DGCR8: variants seen among roughly 807,000 people sequenced by gnomAD.
DGCR8 encodes microprocessor complex subunit DGCR8.
A neutral mutation model predicts 78.5 loss-of-function variants in DGCR8; 14 were observed. The ratio of observed to expected loss-of-function variants is 0.18; its 90% CI spans 0.12 to 0.28. The LOEUF is 0.28. Among genes scored for constraint, DGCR8 ranks in the 10% least tolerant of loss-of-function variants. DGCR8 has a pLI of 1.00. For missense variants in DGCR8, 702 were observed against 1,022.5 expected (o/e 0.69, Z 4.28); for synonymous variants, 399 against 402.4 (o/e 0.99, Z 0.10).
At chr22:20,101,671 G>T (rs1277656555) in intron 9 of DGCR8, 12 of 985,302 alleles carry the variant, frequency 1.2e-5, no homozygotes, top group Non-Finnish European at 1.4e-5. Flanking sequence ...GTAGGGTGGT[G>T]GGGGTGTTTA....
At chr22:20,102,109 T>C (rs1471510027) in intron 9 of DGCR8, 7 of 970,252 alleles carry the variant, frequency 7.2e-6, no homozygotes, top group Non-Finnish European at 8.6e-6. Flanking sequence ...ATTTTAAAAT[T>C]TACATAGAGT....
chr22:20,110,544 C>T lies in DGCR8; in HGVS notation c.*436C>T, dbSNP rs1347002161. On this transcript the variant is annotated 3_prime_UTR_variant, in exon 14 of 14. Coordinates refer to ENST00000351989, the MANE Select transcript of DGCR8 (RefSeq NM_022720.7). ...CGTGATGCCAGGTGGCCCATGTGCC[C>T]AGGGCGCCTGCAGGGCTGCTACAGG... 1 of 163,842 alleles carries T rather than the reference C, an allele frequency of 6.1e-6. No homozygotes were observed. Among genetic ancestry groups the T allele is most frequent in the African/African-American group, 2.4e-5 (1 of 41,836 alleles). The allele number at this position is 163,842 out of a possible 1,614,324, so 10.1% of individuals were successfully genotyped here. A position where few individuals can be genotyped will look rare whatever the true frequency, so the allele number is the denominator to read the frequency against.
In DGCR8 at chr22:20,089,917, C is replaced by A; in HGVS notation, c.1024-59C>A. The stretch of plus-strand genomic sequence containing the variant: ...CCAAGCAGAGGCCGGTGAAAGGCAT[C>A]AGAGTTTCAGACTCTCGGGTTGTCC... On this transcript the variant is annotated intron_variant, in intron 4 of 13. Transcript: ENST00000351989. This position sits in a 1 kb window ranked among gnomAD's most constrained non-coding sequence, Gnocchi z 4.9. 1 of 1,585,898 alleles carries A rather than the reference C, an allele frequency of 6.3e-7. No homozygotes were observed. The highest frequency in any genetic ancestry group is 1.1e-5 in the South Asian group (1 of 87,018).
At chr22:20,092,261 C>T (rs138362433) in intron 7 of DGCR8, among the ~76,000 whole-genome samples, 5 of 152,284 alleles carry the variant, frequency 3.3e-5, no homozygotes, top group Non-Finnish European at 2.9e-5. Flanking sequence ...AGCCTTATTG[C>T]GAGCAAGGCC....
intron 11 of DGCR8, 103 bp from the exon 12 acceptor site, chr22:20,107,168 C>A: frequency 1.5e-6 from 2 of 1,354,638 alleles, no homozygotes; most frequent in Non-Finnish European, 2.1e-6. Context: ...TGTGCCCTGG[C>A]TGGCCCTCGG....
chr22:20,086,997 A>G lies in DGCR8; in HGVS notation c.721-165A>G. On this transcript the variant is annotated intron_variant, in intron 2 of 13. Coordinates refer to ENST00000351989, the MANE Select transcript of DGCR8 (RefSeq NM_022720.7). The surrounding 1 kb of genome is among the most constrained non-coding windows in gnomAD (Gnocchi z 6.4). Reference sequence around the variant, plus strand: ...ACCAGGTGTGTTGGTGTCAGCTGGTAGCTTCATCCTGTTTGTTTTTCAGAT... The same window carrying G: ...ACCAGGTGTGTTGGTGTCAGCTGGTGGCTTCATCCTGTTTGTTTTTCAGAT... 3.2e-6 allele frequency: 3 copies of G among 937,626 alleles called. No individual in the cohort carries two copies. Among genetic ancestry groups the G allele is most frequent in the Non-Finnish European group, 4.8e-6 (3 of 630,836 alleles). 58.1% of individuals were successfully genotyped at this position (937,626 alleles called of 1,614,324 possible).
Position 20,086,178 on chromosome 22 carries a change from C to A in DGCR8, c.215C>A (p.Ala72Asp). 1 of 1,614,184 alleles carries A rather than the reference C, an allele frequency of 6.2e-7. No homozygotes were observed. The highest frequency in any genetic ancestry group is 8.5e-7 in the Non-Finnish European group (1 of 1,180,038). Reference sequence around the variant, plus strand: ...GAGGACCCCTTCAACTTCTACGGAGCTTCTCTTCTCTCCAAAGGATCCTTC... The same window carrying A: ...GAGGACCCCTTCAACTTCTACGGAGATTCTCTTCTCTCCAAAGGATCCTTC... ...PAEDPFNFYG[A>D]SLLSKGSFSK... The change falls in exon 2 of 14, where the codon GCT becomes GAT. Residue 72 changes from alanine to aspartate, a missense_variant. This residue lies in a region of DGCR8 where 356 missense variants were observed against 448.9 expected (regional missense o/e 0.79). Coordinates refer to ENST00000351989, the MANE Select transcript of DGCR8 (RefSeq NM_022720.7). The surrounding 1 kb of genome is among the most constrained non-coding windows in gnomAD (Gnocchi z 6.4).
chr22:20,090,114 C>G lies in DGCR8; in HGVS notation c.1162C>G (p.Leu388Val), dbSNP rs1452428610. Residue 388 changes from leucine (L) to valine (V), a missense_variant, in exon 5 of 14, where the codon CTG becomes GTG. Physicochemically the swap from Leu to Val is conservative, Grantham distance 32. This residue lies in a region of DGCR8 where 119 missense variants were observed against 126.1 expected (regional missense o/e 0.94). Coordinates refer to ENST00000351989, the MANE Select transcript of DGCR8 (RefSeq NM_022720.7). ...PVKPLSRSAE[L>V]EFPLDEPDSM... ...CAAGCCCCTGAGCCGATCTGCAGAG[C>G]TGGAGTTTCCCCTGGATGAGCCTGA... The G allele has an allele frequency of 1.2e-6, 2 of 1,614,120 alleles. No homozygotes were observed. The highest frequency in any genetic ancestry group is 2.7e-5 in the African/African-American group (2 of 74,922).
chr22:20,104,570 G>A (rs2049748073), intron 9 of DGCR8, among the ~76,000 whole-genome samples: 1 of 152,204 alleles, frequency 6.6e-6, no homozygotes, highest in Non-Finnish European at 1.5e-5. Flanking sequence ...CGTGGGGTAT[G>A]TGGGTTCTTG....
chr22:20,080,673 T>A, intron 1 of DGCR8: 1 of 200,520 alleles, frequency 5.0e-6, no homozygotes, highest in Non-Finnish European at 8.9e-6. Flanking sequence ...AGCATCGCCT[T>A]CAGGCGGGAA....
At chr22:20,109,955 C>T in intron 13 of DGCR8, 70 bp from the exon 14 acceptor site, 1 of 1,472,516 alleles carries the variant, frequency 6.8e-7, no homozygotes, top group South Asian at 1.1e-5. Context: ...GCTCTCCCTC[C>T]ACCTTGTGTC....
chr22:20,106,272 T>C lies in DGCR8; in HGVS notation c.1884T>C (p.Leu628=). 6.2e-7 allele frequency: 1 copy of C among 1,612,984 alleles called. No individual in the cohort carries two copies. Among genetic ancestry groups the C allele is most frequent in the Non-Finnish European group, 8.5e-7 (1 of 1,179,692 alleles). ...CATATCAGATCCTCCACGAGTGCCT[T>C]AAAAGGTAGGGTAGGGGGGTGCCTC... ...LSPYQILHEC[L]KRNHGMGDTS... is the part of the protein sequence containing the mutation. Residue 628 remains leucine, a synonymous_variant, in exon 10 of 14, where the codon CTT becomes CTC. Coordinates refer to ENST00000351989, the MANE Select transcript of DGCR8 (RefSeq NM_022720.7).
intron 8 of DGCR8, among the ~76,000 whole-genome samples, chr22:20,094,056 T>G (rs2049598265): frequency 6.6e-6 from 1 of 152,186 alleles, no homozygotes; most frequent in Non-Finnish European, 1.5e-5. Flanking sequence ...GGAGATGCCT[T>G]GGGCGTGGCT....
intron 9 of DGCR8, among the ~76,000 whole-genome samples, chr22:20,105,478 G>A (rs1006489957): frequency 6.6e-6 from 1 of 152,232 alleles, no homozygotes; most frequent in Non-Finnish European, 1.5e-5. Context: ...CTCAGCTTCA[G>A]CCAAAGTCCT....
chr22:20,092,714 CCT>C lies in DGCR8; in HGVS notation c.1607-94_1607-93del, dbSNP rs2049580370. ...AGGCCCACTCTCTGCAGGGACAGCC[CCT>C]GACTGCGCCTTGTCTGTCGGTGTGG... On this transcript the variant is annotated intron_variant, in intron 7 of 13. Coordinates refer to ENST00000351989, the MANE Select transcript of DGCR8 (RefSeq NM_022720.7). 5.5e-6 allele frequency: 6 copies of C among 1,085,146 alleles called. No homozygotes were observed. In the East Asian group the frequency reaches 1.5e-4, roughly 26 times the overall value. The allele number at this position is 1,085,146 out of a possible 1,614,324, so 67.2% of individuals were successfully genotyped here.
At chr22:20,109,056 C>G in intron 13 of DGCR8, 53 bp downstream of exon 13, 3 of 942,332 alleles carry the variant, frequency 3.2e-6, no homozygotes, top group South Asian at 1.3e-5. Context: ...TCCTGTGGCA[C>G]CTGTGGAGGG....
At chr22:20,094,597 C>G (rs2049605291) in intron 8 of DGCR8, 116 bp from the exon 9 acceptor site, 1 of 896,666 alleles carries the variant, frequency 1.1e-6, no homozygotes, top group Admixed American at 1.9e-5. Context: ...CTCCTCAGGG[C>G]CCTCGCTCAG....
intron 9 of DGCR8, chr22:20,101,546 C>A: frequency 4.1e-6 from 4 of 976,870 alleles, no homozygotes; most frequent in Non-Finnish European, 4.9e-6. Context: ...CCACTGCACT[C>A]CAGCCTGGGC....
intron 8 of DGCR8, 103 bp downstream of exon 8, chr22:20,093,010 G>A: frequency 2.7e-6 from 2 of 753,236 alleles, no homozygotes; most frequent in South Asian, 3.8e-5. Flanking sequence ...GGGGGATGTG[G>A]GTGGGGCATG....
Sources: gnomAD v4.1 joint callset for allele counts (sites outside exome capture counted in the v4.1 genomes callset) on GRCh38, gnomAD v4.1.1 for gene constraint, gnomAD v4.1.1 regional missense constraint, Gnocchi (gnomAD v3.1) non-coding constraint, MANE v1.5 for transcripts, NCBI Gene and HGNC (gene_info 2026-07-23, HGNC 2026-07-21) for gene names.